The following ADGRG6 variants were observed in gnomAD, a reference collection of about 807,000 sequenced individuals.
ADGRG6 encodes G-protein coupled receptor 126.
ADGRG6 carries 84 observed loss-of-function variants against 142.4 expected under a neutral mutation model. That is an observed-to-expected ratio of 0.59 (90% confidence interval 0.49 to 0.71). The LOEUF is 0.71. Ranked by LOEUF, ADGRG6 falls within the 30% of genes least tolerant of loss-of-function variation. ADGRG6 has a pLI of 0.00. For synonymous variants in ADGRG6, 521 were observed against 520.5 expected (o/e 1.00, Z -0.01); for missense variants, 1,367 against 1,466.6 (o/e 0.93, Z 1.11).
chr6:142,322,440 C>T (rs1320845183), intron 2 of ADGRG6, among the ~76,000 whole-genome samples: 1 of 151,928 alleles, frequency 6.6e-6, no homozygotes, highest in East Asian at 1.9e-4. Flanking sequence ...GAAGAGAACC[C>T]ATTTCTGCAA....
chr6:142,307,669 T>C (rs977487872), intron 1 of ADGRG6, among the ~76,000 whole-genome samples: 5 of 152,066 alleles, frequency 3.3e-5, no homozygotes, highest in African/African-American at 9.7e-5. Flanking sequence ...GGAGGTAAGT[T>C]GTTGCTGTTT....
chr6:142,306,882 G>A (rs959781485), intron 1 of ADGRG6, among the ~76,000 whole-genome samples: 1 of 152,118 alleles, frequency 6.6e-6, no homozygotes, highest in Non-Finnish European at 1.5e-5. Context: ...AAACAGTAAA[G>A]TGGATGAAAG....
chr6:142,364,460 A>C (rs139451794), intron 2 of ADGRG6, among the ~76,000 whole-genome samples: 1 of 152,246 alleles, frequency 6.6e-6, no homozygotes, highest in East Asian at 1.9e-4. Context: ...GTGGTGTGCT[A>C]TTTTACCTCT....
intron 2 of ADGRG6, among the ~76,000 whole-genome samples, chr6:142,359,071 G>T (rs992833613): frequency 6.6e-6 from 1 of 151,370 alleles, no homozygotes; most frequent in African/African-American, 2.4e-5. Context: ...TCTGGGCATG[G>T]TGGTGCATAC....
At chr6:142,318,476 G>A (rs74300198) in intron 2 of ADGRG6, among the ~76,000 whole-genome samples, 11,577 of 136,266 alleles carry the variant, frequency 0.085, 594 homozygotes, top group East Asian at 0.26. Context: ...ATTTTGCAAA[G>A]CTAAATCATT....
intron 1 of ADGRG6, among the ~76,000 whole-genome samples, chr6:142,304,450 A>C (rs1307353664): frequency 6.6e-6 from 1 of 152,176 alleles, no homozygotes; most frequent in Non-Finnish European, 1.5e-5. Context: ...GGCTTATATA[A>C]ATTACATGAC....
chr6:142,419,759 G>A, intron 21 of ADGRG6, 62 bp from the exon 22 acceptor site: 2 of 1,323,058 alleles, frequency 1.5e-6, no homozygotes, highest in Non-Finnish European at 2.1e-6. Context: ...GCTGAGAAAA[G>A]TCTTAGGTAA....
chr6:142,302,253 G>T lies in ADGRG6; in HGVS notation c.-77G>T, dbSNP rs762765792. On this transcript the variant is annotated 5_prime_UTR_variant, in exon 1 of 25. Coordinates refer to ENST00000367609, the MANE Select transcript of ADGRG6 (RefSeq NM_198569.3). ...GGGGCGCCTGGGTTCCCCCTGGGTG[G>T]AGCAGCGGCAGCAGAGCGGGAAAGT... The T allele has an allele frequency of 1.4e-5, 22 of 1,569,624 alleles. No individual in the cohort carries two copies. The highest frequency in any genetic ancestry group is 1.8e-5 in the Non-Finnish European group (21 of 1,150,032).
Position 142,385,008 on chromosome 6 carries a change from A to G in ADGRG6, c.1222+1165A>G, listed in dbSNP as rs541510537. On this transcript the variant is annotated intron_variant, in intron 6 of 24. Transcript: ENST00000367609. ...CTGAAATTTCCAGTGCATATTTCAC[A>G]TGGACTCTAGCCAGTAGATGGGAAT... 3.0e-4 allele frequency among the ~76,000 whole-genome samples: 45 copies of G among 152,176 alleles called. No homozygotes were observed. The South Asian group carries it at 9.2e-3, about 31-fold the overall frequency.
intron 5 of ADGRG6, among the ~76,000 whole-genome samples, chr6:142,383,544 T>C (rs540845356): frequency 8.5e-5 from 13 of 152,230 alleles, no homozygotes; most frequent in African/African-American, 2.4e-4. Flanking sequence ...TCCAGACCCT[T>C]GTGTATTATA....
chr6:142,398,618 C>T lies in ADGRG6; in HGVS notation c.1567+863C>T, dbSNP rs114038154. On this transcript the variant is annotated intron_variant, in intron 10 of 24. Transcript: ENST00000367609. ...CTTGTACTTCCACAAAGAGGCTGTG[C>T]TGCTTCCTTTAGATACCCTTTCTAT... Among the ~76,000 whole-genome samples, 434 of 152,254 alleles carry T rather than the reference C, an allele frequency of 2.9e-3. 4 individuals carry two copies. The highest frequency in any genetic ancestry group is 1.0e-2 in the African/African-American group (414 of 41,546).
chr6:142,421,354 G>A (rs1776644585), intron 22 of ADGRG6, among the ~76,000 whole-genome samples: 1 of 152,152 alleles, frequency 6.6e-6, no homozygotes, highest in African/African-American at 2.4e-5. Context: ...TTATAACAAA[G>A]GAAGTATGTA....
At chr6:142,383,592 T>G (rs1055790856) in intron 5 of ADGRG6, among the ~76,000 whole-genome samples, 168 bp from the exon 6 acceptor site, 1 of 152,170 alleles carries the variant, frequency 6.6e-6, no homozygotes, top group African/African-American at 2.4e-5. Flanking sequence ...TAATGTGCCA[T>G]AGAAAGCATT....
intron 1 of ADGRG6, among the ~76,000 whole-genome samples, chr6:142,306,695 T>G (rs891478004): frequency 1.2e-4 from 18 of 152,092 alleles, no homozygotes; most frequent in Admixed American, 9.2e-4. Context: ...GTGTGTGTGT[T>G]TTTTTTCCTT....
intron 2 of ADGRG6, among the ~76,000 whole-genome samples, chr6:142,318,128 TATATATTTATATAA>T: frequency 2.2e-5 from 1 of 45,346 alleles, no homozygotes; most frequent in South Asian, 5.8e-4. Context: ...TTATATATAT[TATATATTTATATAA>T]TATATATTAT....
intron 4 of ADGRG6, among the ~76,000 whole-genome samples, chr6:142,375,412 T>C (rs540045418): frequency 6.6e-6 from 1 of 152,294 alleles, no homozygotes; most frequent in African/African-American, 2.4e-5. Flanking sequence ...CTGGACTGTG[T>C]TTCAGGAGAA....
At chr6:142,379,997 A>C (rs1781685742) in intron 4 of ADGRG6, among the ~76,000 whole-genome samples, 1 of 152,152 alleles carries the variant, frequency 6.6e-6, no homozygotes, top group Admixed American at 6.5e-5. Context: ...CATTGGTTCA[A>C]TCTGGAGAAG....
intron 11 of ADGRG6, among the ~76,000 whole-genome samples, chr6:142,401,063 C>G (rs1464683238): frequency 1.3e-5 from 2 of 151,090 alleles, no homozygotes; most frequent in Non-Finnish European, 3.0e-5. Context: ...TAACAGAAAC[C>G]TCAGAGACTA....
chr6:142,413,066 G>T (rs1776171970), intron 18 of ADGRG6, among the ~76,000 whole-genome samples: 1 of 151,148 alleles, frequency 6.6e-6, no homozygotes, highest in Non-Finnish European at 1.5e-5. Context: ...CATCATTCAT[G>T]TTCTCTTTCC....
Sources: allele counts gnomAD v4.1 joint callset (sites outside exome capture counted in the v4.1 genomes callset), GRCh38; gene constraint gnomAD v4.1.1; transcripts MANE v1.5; gene names NCBI Gene and HGNC (gene_info 2026-07-23, HGNC 2026-07-21).